STK32C: variants seen among roughly 807,000 people sequenced by gnomAD.
STK32C encodes the protein serine/threonine kinase 32C, also known as serine/threonine-protein kinase 32C.
Under a neutral mutation model 56.5 loss-of-function variants are expected in STK32C, and 31 were observed. The ratio of observed to expected loss-of-function variants is 0.55; its 90% CI spans 0.41 to 0.74. The LOEUF (loss-of-function observed/expected upper bound fraction) is 0.74. STK32C is among the 30% of genes least tolerant of loss of function. The pLI is 0.00. For synonymous variants in STK32C, 309 were observed against 289.4 expected, an observed-to-expected ratio of 1.07 and a Z score of -0.69; for missense variants, 544 against 676.9, an observed-to-expected ratio of 0.80 and a Z score of 2.18.
intron 6 of STK32C, 93 bp from the exon 7 acceptor site, chr10:132,225,429 C>A: frequency 6.3e-7 from 1 of 1,589,512 alleles, no homozygotes; most frequent in Non-Finnish European, 8.6e-7. Flanking sequence ...CATCCCGAGA[C>A]CAGGCTGCCT....
At chr10:132,217,696 T>C (rs1478972162) in intron 10 of STK32C, among the ~76,000 whole-genome samples, 3 of 152,132 alleles carry the variant, frequency 2.0e-5, no homozygotes, top group Admixed American at 6.5e-5. Context: ...GTTGTCATGA[T>C]AGTGAATGAG....
intron 1 of STK32C, chr10:132,330,175 G>A (rs986191646): frequency 1.6e-5 from 7 of 442,324 alleles, no homozygotes; most frequent in Non-Finnish European, 2.9e-5. Flanking sequence ...GCACAGTAAA[G>A]GGCAAAACAT....
chr10:132,321,984 A>T (rs756658155), downstream of STK32C, among the ~76,000 whole-genome samples: 2 of 152,180 alleles, frequency 1.3e-5, no homozygotes, highest in Non-Finnish European at 2.9e-5. Flanking sequence ...TCAACCCTGC[A>T]CAGGAGTCCC....
chr10:132,326,285 G>A (rs977105146), intron 1 of STK32C, among the ~76,000 whole-genome samples: 1 of 152,224 alleles, frequency 6.6e-6, no homozygotes, highest in Admixed American at 6.5e-5. Context: ...GCCAGAGTCA[G>A]TTGGAGTTGG....
intron 1 of STK32C, among the ~76,000 whole-genome samples, chr10:132,275,205 T>C (rs993945810): frequency 6.6e-6 from 1 of 152,188 alleles, no homozygotes; most frequent in African/African-American, 2.4e-5. Flanking sequence ...CCCGTACCCG[T>C]GCCCACCATG....
At position 132,224,507 on chromosome 10, in the gene STK32C, T is replaced by C; in HGVS notation, c.893A>G (p.His298Arg). 3.1e-6 allele frequency: 5 copies of C among 1,590,968 alleles called. No homozygotes were observed. The highest frequency in any genetic ancestry group is 4.3e-6 in the Non-Finnish European group (5 of 1,169,626). ...CAGGGACTCCACGGCGTTGCTGGAGTGGATGTCATAGGGCCTCTGGAGACA... is the reference window on the plus strand; with the variant it reads ...CAGGGACTCCACGGCGTTGCTGGAGCGGATGTCATAGGGCCTCTGGAGACA... ...LLRGWRPYDI[H>R]SSNAVESLVQ... Residue 298 changes from histidine to arginine, a missense_variant, in exon 8 of 12, where the codon CAC (histidine) becomes CGC (arginine). Physicochemically the swap from His to Arg is conservative, Grantham distance 29. Transcript: ENST00000298630.
chr10:132,275,677 C>T (rs532255342), intron 1 of STK32C, among the ~76,000 whole-genome samples: 2 of 152,344 alleles, frequency 1.3e-5, no homozygotes, highest in South Asian at 4.1e-4. Context: ...ACGCATCATG[C>T]CGCAGGGATG....
At chr10:132,214,828 T>C (rs2062420263) in intron 10 of STK32C, among the ~76,000 whole-genome samples, 1 of 152,156 alleles carries the variant, frequency 6.6e-6, no homozygotes, top group African/African-American at 2.4e-5. Flanking sequence ...AAAGGTATAC[T>C]GCAATGTCCA....
intron 1 of STK32C, among the ~76,000 whole-genome samples, chr10:132,282,133 C>T (rs2065231647): frequency 6.6e-6 from 1 of 152,220 alleles, no homozygotes; most frequent in African/African-American, 2.4e-5. Context: ...GTGTAACACT[C>T]AGCAGCCACG....
chr10:132,281,985 G>A (rs1279224060), intron 1 of STK32C, among the ~76,000 whole-genome samples: 1 of 152,352 alleles, frequency 6.6e-6, no homozygotes, highest in East Asian at 1.9e-4. Context: ...TCAGAGCAGC[G>A]TCCCTGCTGA....
At chr10:132,325,417 G>A (rs1273757839) in intron 1 of STK32C, among the ~76,000 whole-genome samples, 2 of 151,998 alleles carry the variant, frequency 1.3e-5, no homozygotes, top group Non-Finnish European at 2.9e-5. Flanking sequence ...GCCAGGCGTG[G>A]TGGCGGGTGC....
chr10:132,258,010 G>C (rs1050074096), intron 1 of STK32C, among the ~76,000 whole-genome samples: 1 of 152,184 alleles, frequency 6.6e-6, no homozygotes, highest in African/African-American at 2.4e-5. Flanking sequence ...CGGTCAGGAC[G>C]AAGGGCTCCA....
intron 1 of STK32C, among the ~76,000 whole-genome samples, chr10:132,303,279 C>T (rs74161771): frequency 1.2e-4 from 18 of 152,336 alleles, no homozygotes; most frequent in Admixed American, 1.3e-4. Flanking sequence ...ATACTCCCTA[C>T]GGGCTGCAAT....
chr10:132,227,061 G>A, intron 3 of STK32C, 93 bp from the exon 4 acceptor site: 3 of 1,418,182 alleles, frequency 2.1e-6, no homozygotes, highest in South Asian at 1.3e-5. Flanking sequence ...AAGGACCACA[G>A]CCCCACCCCA....
At chr10:132,301,503 C>T (rs1004276256) in intron 1 of STK32C, among the ~76,000 whole-genome samples, 4 of 152,198 alleles carry the variant, frequency 2.6e-5, no homozygotes, top group Non-Finnish European at 5.9e-5. Context: ...GTGGGGGTCC[C>T]CGGGGAAGAC....
Position 132,307,535 on chromosome 10 carries a change from C to A in STK32C, c.262+37G>T. On this transcript the variant is annotated intron_variant, in intron 1 of 11. Coordinates refer to ENST00000298630, the MANE Select transcript of STK32C (RefSeq NM_173575.4). This position sits in a 1 kb window ranked among gnomAD's most constrained non-coding sequence, Gnocchi z 4.4. ...CCAGCCGCGCCCGCCCCTGCAATAGCGCGCGGCCCCCACGTCGTCCCCGTG... is the reference window on the plus strand; with the variant it reads ...CCAGCCGCGCCCGCCCCTGCAATAGAGCGCGGCCCCCACGTCGTCCCCGTG... 6.6e-7 allele frequency: 1 copy of A among 1,522,954 alleles called. No individual in the cohort carries two copies. Among genetic ancestry groups the A allele is most frequent in the Non-Finnish European group, 8.8e-7 (1 of 1,135,558 alleles). 94.3% of individuals were successfully genotyped at this position (1,522,954 alleles called of 1,614,324 possible).
chr10:132,305,203 C>T (rs1019706815), intron 1 of STK32C, among the ~76,000 whole-genome samples: 23 of 152,136 alleles, frequency 1.5e-4, no homozygotes, highest in South Asian at 2.1e-4. Flanking sequence ...AACTGGAGAC[C>T]CTCAGTTCTG....
intron 8 of STK32C, among the ~76,000 whole-genome samples, chr10:132,223,567 C>T (rs529297138): frequency 9.8e-5 from 15 of 152,382 alleles, no homozygotes; most frequent in African/African-American, 3.6e-4. Context: ...CCAGTGCCAC[C>T]TTGTGAGCCA....
intron 10 of STK32C, 143 bp from the exon 11 acceptor site, chr10:132,209,244 C>T (rs191869135): frequency 4.7e-5 from 36 of 772,336 alleles, no homozygotes; most frequent in Middle Eastern, 4.5e-4. Context: ...AGTGCCCCGG[C>T]CCTCCAGCAG....
Sources: allele counts gnomAD v4.1 joint callset (sites outside exome capture counted in the v4.1 genomes callset), GRCh38; gene constraint gnomAD v4.1.1; non-coding constraint Gnocchi (gnomAD v3.1); transcripts MANE v1.5; gene names NCBI Gene and HGNC (gene_info 2026-07-23, HGNC 2026-07-21).